The following USP54 variants were observed in gnomAD, a reference collection of about 807,000 sequenced individuals.
The protein encoded by USP54 is ubiquitin carboxyl-terminal hydrolase 54.
Under a neutral mutation model 170.5 loss-of-function variants are expected in USP54, and 87 were observed. That is an observed-to-expected ratio of 0.51 (90% CI 0.43 to 0.61). USP54 has a LOEUF of 0.61. Among genes scored for constraint, USP54 ranks in the 20% least tolerant of loss-of-function variants. The pLI is 0.00. For missense variants in USP54, 1,786 were observed against 2,047.8 expected (o/e 0.87, Z 2.47); for synonymous variants, 655 against 742.8 (o/e 0.88, Z 1.92).
intron 23 of USP54, among the ~76,000 whole-genome samples, chr10:73,500,288 G>A (rs2057827032): frequency 6.6e-6 from 1 of 152,176 alleles, no homozygotes; most frequent in African/African-American, 2.4e-5. Flanking sequence ...GAGGATAGAA[G>A]GGGAGAAAAC....
At chr10:73,600,024 C>A (rs1468806267) in intron 1 of USP54, among the ~76,000 whole-genome samples, 1 of 151,502 alleles carries the variant, frequency 6.6e-6, no homozygotes, top group Non-Finnish European at 1.5e-5. Flanking sequence ...GTCTCAACCT[C>A]CCGAGTTGCT....
Position 73,499,015 on chromosome 10 carries a change from G to A in USP54, c.4669C>T (p.Leu1557=). 6.2e-7 allele frequency: 1 copy of A among 1,614,148 alleles called. No individual in the cohort carries two copies. Among genetic ancestry groups the A allele is most frequent in the South Asian group, 1.1e-5 (1 of 91,078 alleles). Reference sequence around the variant, plus strand: ...TGAGGATTGCACCCTGGAGTAGTCAGGAATCTGGTCCCAATATGCTGGTTG... The same window carrying A: ...TGAGGATTGCACCCTGGAGTAGTCAAGAATCTGGTCCCAATATGCTGGTTG... The part of the protein sequence containing the change: ...ETNQHIGTRF[L]TTPGCNPQLT... The change falls in exon 24 of 24, where the codon CTG becomes TTG. Residue 1557 remains leucine (L), a synonymous_variant. Coordinates refer to ENST00000687698, the MANE Select transcript of USP54 (RefSeq NM_001391956.1).
chr10:73,549,895 C>T (rs185049347), intron 4 of USP54, among the ~76,000 whole-genome samples: 17 of 152,282 alleles, frequency 1.1e-4, no homozygotes, highest in Admixed American at 9.2e-4. Flanking sequence ...TAAGTCCTTA[C>T]GTAATCTGGC....
intron 1 of USP54, among the ~76,000 whole-genome samples, chr10:73,579,409 TA>T (rs1213794184): frequency 1.3e-5 from 2 of 152,106 alleles, no homozygotes; most frequent in Admixed American, 6.6e-5. Context: ...ACATAATAGA[TA>T]AATGACTTAG....
chr10:73,575,688 T>A lies in USP54; in HGVS notation c.-17-13A>T, dbSNP rs751813113. ...GTTCACATTTAGCCTGAAAAAAAAA[T>A]GGAGAAGGATTTGTGCCTTTTTGGC... is the stretch of plus-strand genomic sequence containing the variant. On this transcript the variant is annotated splice_polypyrimidine_tract_variant and intron_variant, in intron 2 of 23. Coordinates refer to ENST00000687698, the MANE Select transcript of USP54 (RefSeq NM_001391956.1). 1 of 1,539,124 alleles carries A rather than the reference T, an allele frequency of 6.5e-7. No homozygotes were observed. The highest frequency in any genetic ancestry group is 2.3e-5 in the East Asian group (1 of 42,840).
intron 15 of USP54, 126 bp downstream of exon 15, chr10:73,529,554 G>A (rs1471568208): frequency 8.4e-6 from 9 of 1,067,156 alleles, no homozygotes; most frequent in Admixed American, 1.7e-5. Flanking sequence ...ATAGGAAGTT[G>A]AAAGAGCACA....
chr10:73,564,786 TGGTGGTC>T, intron 4 of USP54, among the ~76,000 whole-genome samples: 1 of 151,458 alleles, frequency 6.6e-6, no homozygotes, highest in Non-Finnish European at 1.5e-5. Context: ...ATATTTTATA[TGGTGGTC>T]AAGCATAGTG....
chr10:73,555,758 G>A (rs2070809287), intron 4 of USP54, among the ~76,000 whole-genome samples: 1 of 152,152 alleles, frequency 6.6e-6, no homozygotes, highest in Non-Finnish European at 1.5e-5. Flanking sequence ...ACTGAAAGGG[G>A]ACACCCTTCT....
chr10:73,565,405 A>C (rs184701736), intron 4 of USP54, among the ~76,000 whole-genome samples: 1 of 151,936 alleles, frequency 6.6e-6, no homozygotes, highest in African/African-American at 2.4e-5. Context: ...GGTCCCAGCT[A>C]CTCGGGAGGC....
chr10:73,559,864 G>A (rs2072388993), intron 4 of USP54, among the ~76,000 whole-genome samples: 1 of 151,888 alleles, frequency 6.6e-6, no homozygotes, highest in African/African-American at 2.4e-5. Flanking sequence ...TTAGGAGTTC[G>A]AGACCAGCTT....
At chr10:73,617,017 G>T (rs1256812486) in intron 1 of USP54, among the ~76,000 whole-genome samples, 2 of 150,666 alleles carry the variant, frequency 1.3e-5, no homozygotes, top group East Asian at 3.9e-4. Flanking sequence ...AAGATGTTAG[G>T]CTGGGCACAG....
At chr10:73,557,824 T>C (rs954641352) in intron 4 of USP54, among the ~76,000 whole-genome samples, 11 of 151,716 alleles carry the variant, frequency 7.3e-5, no homozygotes, top group African/African-American at 2.7e-4. Context: ...ATAAATGGGT[T>C]CAGTGACTAA....
At chr10:73,613,886 A>G (rs2080376459) in intron 1 of USP54, 2 of 145,864 alleles carry the variant, frequency 1.4e-5, no homozygotes, top group African/African-American at 5.0e-5. Flanking sequence ...TCTTGAAAAG[A>G]AAAAAAAAAA....
chr10:73,557,487 A>ATT (rs60308315), intron 4 of USP54, among the ~76,000 whole-genome samples: 4 of 134,088 alleles, frequency 3.0e-5, no homozygotes, highest in Non-Finnish European at 3.2e-5. Context: ...CACCTGGCTA[A>ATT]TTTTTTTTTT....
chr10:73,538,377 C>G (rs1354696311), intron 10 of USP54: 1 of 152,154 alleles, frequency 6.6e-6, no homozygotes, highest in Non-Finnish European at 1.5e-5. Context: ...TCTCCCCGAG[C>G]CCAAAAGGTG....
chr10:73,531,745 A>G (rs952436400), intron 12 of USP54, among the ~76,000 whole-genome samples: 3 of 152,220 alleles, frequency 2.0e-5, no homozygotes, highest in African/African-American at 7.2e-5. Context: ...ATTACACTTC[A>G]TAGTTCCTTA....
At chr10:73,624,378 T>G (rs911099050) in intron 1 of USP54, 3 of 122,170 alleles carry the variant, frequency 2.5e-5, no homozygotes, top group Non-Finnish European at 5.0e-5. Context: ...TTATATTTTT[T>G]TAGTAGAGAC....
intron 1 of USP54, among the ~76,000 whole-genome samples, chr10:73,605,372 T>A (rs1218718515): frequency 6.6e-6 from 1 of 152,060 alleles, no homozygotes; most frequent in East Asian, 1.9e-4. Flanking sequence ...CCAATTTTTT[T>A]TTTAATTAGT....
intron 12 of USP54, among the ~76,000 whole-genome samples, chr10:73,532,052 A>G (rs2064090865): frequency 6.6e-6 from 1 of 152,210 alleles, no homozygotes; most frequent in African/African-American, 2.4e-5. Context: ...CAGTGTAGTG[A>G]TATGGATACA....
Sources: allele counts gnomAD v4.1 joint callset (sites outside exome capture counted in the v4.1 genomes callset), GRCh38; gene constraint gnomAD v4.1.1; transcripts MANE v1.5; gene names NCBI Gene and HGNC (gene_info 2026-07-23, HGNC 2026-07-21).